NRXN1: variants seen among roughly 807,000 people sequenced by gnomAD.
NRXN1 encodes neurexin 1, also known as neurexin-1.
A neutral mutation model predicts 150.9 loss-of-function variants in NRXN1; 39 were observed. The observed-to-expected ratio is 0.26, with a 90% CI of 0.20 to 0.34. The LOEUF (loss-of-function observed/expected upper bound fraction) is 0.34, where lower values mean the gene tolerates loss of function less well. Ranked by LOEUF, NRXN1 falls within the 10% of genes least tolerant of loss-of-function variation. The pLI is 1.00. For synonymous variants in NRXN1, 924 were observed against 757.0 expected, an observed-to-expected ratio of 1.22 and a Z score of -3.62; for missense variants, 1,815 against 1,949.9, an observed-to-expected ratio of 0.93 and a Z score of 1.30.
intron 2 of NRXN1, among the ~76,000 whole-genome samples, chr2:50,951,718 C>T (rs1057288831): frequency 6.6e-6 from 1 of 151,872 alleles, no homozygotes. Flanking sequence ...AAAGCAGCTG[C>T]CTACCTCACT....
intron 2 of NRXN1, among the ~76,000 whole-genome samples, chr2:50,974,580 C>A (rs747546802): frequency 4.6e-5 from 7 of 152,168 alleles, no homozygotes; most frequent in Non-Finnish European, 8.8e-5. Context: ...ATCATAGATA[C>A]CCAAGATTTC....
intron 18 of NRXN1, among the ~76,000 whole-genome samples, chr2:50,115,510 A>G (rs966282284): frequency 3.9e-5 from 6 of 152,136 alleles, no homozygotes; most frequent in Non-Finnish European, 7.4e-5. Flanking sequence ...TATTTTGTAA[A>G]TGGCTTGAAA....
At chr2:50,117,301 C>G (rs751183163) in intron 18 of NRXN1, among the ~76,000 whole-genome samples, 16 of 152,028 alleles carry the variant, frequency 1.1e-4, no homozygotes, top group Non-Finnish European at 1.6e-4. Flanking sequence ...TGCAAAATAA[C>G]AGCAACTTTT....
chr2:50,393,554 T>A (rs1226708546), intron 17 of NRXN1, among the ~76,000 whole-genome samples: 1 of 152,086 alleles, frequency 6.6e-6, no homozygotes, highest in Non-Finnish European at 1.5e-5. Context: ...TAGGTAAAAT[T>A]AGGCTGTTCC....
intron 17 of NRXN1, among the ~76,000 whole-genome samples, chr2:50,404,984 G>A (rs143508266): frequency 9.2e-5 from 14 of 152,112 alleles, no homozygotes; most frequent in East Asian, 1.9e-4. Flanking sequence ...TTGGTTTGCA[G>A]AACAAATCAA....
At chr2:50,564,737 A>C (rs1669606937) in intron 8 of NRXN1, among the ~76,000 whole-genome samples, 1 of 152,228 alleles carries the variant, frequency 6.6e-6, no homozygotes, top group Non-Finnish European at 1.5e-5. Flanking sequence ...AAAAGTATAG[A>C]GACCCCAGGT....
At chr2:50,061,233 A>G (rs1422759483) in intron 19 of NRXN1, among the ~76,000 whole-genome samples, 3 of 152,202 alleles carry the variant, frequency 2.0e-5, no homozygotes, top group African/African-American at 7.2e-5. Context: ...AATACTGTCC[A>G]TTGTTCAATA....
chr2:50,545,827 C>T (rs186109332), intron 9 of NRXN1, among the ~76,000 whole-genome samples: 386 of 152,244 alleles, frequency 2.5e-3, no homozygotes, highest in Non-Finnish European at 4.4e-3. Flanking sequence ...ACTTGAGTTC[C>T]TGATACAAAA....
rs149239591 is a variant in NRXN1 at position 50,255,223 on chromosome 2, C to T, written c.3365-18253G>A. On this transcript the variant is annotated intron_variant, in intron 17 of 22. Transcript: ENST00000401669. ...GGTATCTGTAAGATTTATAACTCAA[C>T]GATATAAGATTTTTTAACCCATGAA... Among the ~76,000 whole-genome samples, 234 of 152,082 alleles carry T rather than the reference C, an allele frequency of 1.5e-3. 5 individuals are homozygous for T. The East Asian group carries it at 0.04, about 26-fold the overall frequency.
At chr2:50,071,320 T>C (rs1037525857) in intron 19 of NRXN1, among the ~76,000 whole-genome samples, 5 of 152,220 alleles carry the variant, frequency 3.3e-5, no homozygotes, top group African/African-American at 9.6e-5. Flanking sequence ...ATGAGCTCAA[T>C]TGTTTATCCC....
intron 2 of NRXN1, among the ~76,000 whole-genome samples, chr2:50,940,633 T>A (rs765480681): frequency 2.6e-5 from 4 of 152,126 alleles, no homozygotes; most frequent in African/African-American, 4.8e-5. Flanking sequence ...ACAAACAAGA[T>A]GAAAGTTGCA....
At chr2:50,164,489 T>C (rs1406850123) in intron 18 of NRXN1, among the ~76,000 whole-genome samples, 1 of 152,230 alleles carries the variant, frequency 6.6e-6, no homozygotes, top group Admixed American at 6.5e-5. Context: ...TCCTTGATAG[T>C]CATTTTTAAT....
intron 8 of NRXN1, among the ~76,000 whole-genome samples, chr2:50,559,614 G>A (rs1006525578): frequency 6.6e-6 from 1 of 151,944 alleles, no homozygotes; most frequent in Non-Finnish European, 1.5e-5. Flanking sequence ...TATACACATA[G>A]ACACACACCT....
chr2:50,995,709 C>A (rs749830068), intron 2 of NRXN1, among the ~76,000 whole-genome samples: 2 of 151,762 alleles, frequency 1.3e-5, no homozygotes, highest in Non-Finnish European at 2.9e-5. Flanking sequence ...ATAAATAGCA[C>A]CCCATCTAGT....
chr2:50,089,248 G>A (rs1452778), intron 19 of NRXN1, among the ~76,000 whole-genome samples: 37,101 of 152,038 alleles, frequency 0.24, 4,946 homozygotes, highest in Admixed American at 0.38. Flanking sequence ...ACAAAACCAT[G>A]CCTCAAGAGG....
chr2:50,308,611 C>T (rs567788165), intron 17 of NRXN1, among the ~76,000 whole-genome samples: 1 of 152,292 alleles, frequency 6.6e-6, no homozygotes, highest in Non-Finnish European at 1.5e-5. Flanking sequence ...ACCTCAGCCT[C>T]CCAAGTCTTC....
chr2:50,097,481 T>A (rs1700376517), intron 18 of NRXN1, among the ~76,000 whole-genome samples: 1 of 152,184 alleles, frequency 6.6e-6, no homozygotes. Context: ...CTCCAGAGAC[T>A]AATCCTCACC....
chr2:50,391,684 A>G (rs1250068223), intron 17 of NRXN1, among the ~76,000 whole-genome samples: 3 of 152,138 alleles, frequency 2.0e-5, no homozygotes, highest in Non-Finnish European at 4.4e-5. Context: ...GCTTTTAGCA[A>G]ATGGATCAAT....
At chr2:51,030,253 C>T (rs745729241) in intron 1 of NRXN1, among the ~76,000 whole-genome samples, 1 of 152,130 alleles carries the variant, frequency 6.6e-6, no homozygotes, top group Non-Finnish European at 1.5e-5. Flanking sequence ...AACACACACA[C>T]TGCAATATAT....
Sources: gnomAD v4.1 joint callset for allele counts (sites outside exome capture counted in the v4.1 genomes callset) on GRCh38, gnomAD v4.1.1 for gene constraint, MANE v1.5 for transcripts, NCBI Gene and HGNC (gene_info 2026-07-23, HGNC 2026-07-21) for gene names.